The following ATE1 variants were observed in gnomAD, a reference collection of about 807,000 sequenced individuals.
The protein encoded by ATE1 is arginyltransferase 1, also known as arginyl-tRNA--protein transferase 1.
Under a neutral mutation model 70.5 loss-of-function variants are expected in ATE1, and 36 were observed. The ratio of observed to expected loss-of-function variants is 0.51; its 90% CI spans 0.39 to 0.67. The LOEUF (loss-of-function observed/expected upper bound fraction) is 0.67. Ranked by LOEUF, ATE1 falls within the 30% of genes least tolerant of loss-of-function variation. The pLI, the probability that ATE1 is intolerant of heterozygous loss-of-function variation, is 0.00. For missense variants in ATE1, 593 were observed against 629.5 expected (o/e 0.94, Z 0.62); for synonymous variants, 232 against 219.3 (o/e 1.06, Z -0.51).
At position 121,779,048 on chromosome 10, in the gene ATE1, C is replaced by T. The variant is rs118189605; in HGVS notation, c.1378+11121G>A. ...CTCTGAAATAGTAAAATCAGACACT[C>T]GCTCTCAACACCATTTCCTATCCTT... On this transcript the variant is annotated intron_variant, in intron 11 of 11. Coordinates refer to ENST00000224652, the MANE Select transcript of ATE1 (RefSeq NM_001001976.3). 7.4e-4 allele frequency among the ~76,000 whole-genome samples: 112 copies of T among 152,308 alleles called. No individual in the cohort carries two copies. The East Asian group carries it at 8.3e-3, about 11-fold the overall frequency.
chr10:121,779,913 G>A (rs1164498788), intron 11 of ATE1, among the ~76,000 whole-genome samples: 2 of 152,150 alleles, frequency 1.3e-5, no homozygotes, highest in African/African-American at 4.8e-5. Flanking sequence ...TCTGGAAAAT[G>A]CTTCCTGTGG....
chr10:121,831,896 G>A (rs571406122), intron 10 of ATE1, among the ~76,000 whole-genome samples: 4 of 152,282 alleles, frequency 2.6e-5, no homozygotes, highest in African/African-American at 9.6e-5. Context: ...TACAGTCACA[G>A]TAACTTGCTA....
intron 8 of ATE1, among the ~76,000 whole-genome samples, chr10:121,863,963 T>C (rs1949570051): frequency 6.6e-6 from 1 of 152,204 alleles, no homozygotes; most frequent in African/African-American, 2.4e-5. Context: ...TTTTAACCTA[T>C]CCATGTCTCT....
intron 8 of ATE1, among the ~76,000 whole-genome samples, chr10:121,868,319 AGTATAAC>A (rs1949732547): frequency 6.6e-6 from 1 of 152,250 alleles, no homozygotes; most frequent in Non-Finnish European, 1.5e-5. Flanking sequence ...CATTACATTA[AGTATAAC>A]CCTTTCATCA....
At chr10:121,867,545 G>A (rs964592952) in intron 8 of ATE1, among the ~76,000 whole-genome samples, 1 of 151,998 alleles carries the variant, frequency 6.6e-6, no homozygotes, top group Non-Finnish European at 1.5e-5. Context: ...TCAAATCAAA[G>A]AGACTCCCGT....
chr10:121,812,982 A>G (rs551674678), intron 10 of ATE1, among the ~76,000 whole-genome samples: 1 of 152,342 alleles, frequency 6.6e-6, no homozygotes, highest in South Asian at 2.1e-4. Context: ...TACAACTAAC[A>G]TTCTGTTTGT....
chr10:121,926,587 AT>A, intron 1 of ATE1: 1 of 526,648 alleles, frequency 1.9e-6, no homozygotes, highest in Non-Finnish European at 2.4e-6. Context: ...TATCACAATT[AT>A]TGGAAAAAAA....
intron 10 of ATE1, among the ~76,000 whole-genome samples, chr10:121,791,077 TGTGTGTGTGTG>T (rs1946429537): frequency 5.3e-5 from 3 of 56,320 alleles, no homozygotes; most frequent in African/African-American, 1.6e-4. Flanking sequence ...TGTGTGTGTG[TGTGTGTGTGTG>T]TATATATATT....
chr10:121,810,243 C>T lies in ATE1; in HGVS notation c.1258-19954G>A, dbSNP rs116698690. On this transcript the variant is annotated intron_variant, in intron 10 of 11. Transcript: ENST00000224652. ...TCCTATTCAAAGTTCTTCAGCCTTT[C>T]GGGGTAACTGCTAAATATGTTTTTT... 8.6e-3 allele frequency among the ~76,000 whole-genome samples: 1,310 copies of T among 152,230 alleles called. 14 individuals carry two copies. The highest frequency in any genetic ancestry group is 0.025 in the African/African-American group (1,019 of 41,532).
chr10:121,789,296 C>CTTTTTTT lies in ATE1; in HGVS notation c.1378+866_1378+872dup, dbSNP rs3036893. Among the ~76,000 whole-genome samples, 907 of 92,600 alleles carry CTTTTTTT rather than the reference C, an allele frequency of 9.8e-3. 33 individuals are homozygous for CTTTTTTT. Among genetic ancestry groups the CTTTTTTT allele is most frequent in the Middle Eastern group, 0.028 (2 of 72 alleles). 60.7% of individuals were successfully genotyped at this position (92,600 alleles called of 152,430 possible). On this transcript the variant is annotated intron_variant, in intron 11 of 11. Coordinates refer to ENST00000224652, the MANE Select transcript of ATE1 (RefSeq NM_001001976.3). ...CAGGAAGCCTAACTCCAGGGCTATG[C>CTTTTTTT]TTTTTTTTTTTTTTTTTTTTGAGAC...
chr10:121,773,074 C>G (rs1196090379), intron 11 of ATE1, among the ~76,000 whole-genome samples: 2 of 152,222 alleles, frequency 1.3e-5, no homozygotes, highest in Non-Finnish European at 2.9e-5. Flanking sequence ...CCCTCCCACT[C>G]CCTTCTTTGT....
intron 9 of ATE1, among the ~76,000 whole-genome samples, chr10:121,838,771 A>C (rs1564883430): frequency 6.6e-6 from 1 of 152,166 alleles, no homozygotes; most frequent in Non-Finnish European, 1.5e-5. Flanking sequence ...ATATGCAAAC[A>C]AATGCCATGC....
rs1212849369 is a variant in ATE1 at position 121,840,803 on chromosome 10, AATG to A, written c.1157+276_1157+278del. ...ATGTATATTTCCTATAAACTAGTTA[AATG>A]ATGTTTATTTTAAAATTCAATGTGA... On this transcript the variant is annotated intron_variant, in intron 9 of 11. Transcript: ENST00000224652. Among the ~76,000 whole-genome samples the A allele has an allele frequency of 7.1e-4, 107 of 150,438 alleles. 1 individual carries two copies. The highest frequency in any genetic ancestry group is 1.4e-3 in the Non-Finnish European group (96 of 67,652).
intron 7 of ATE1, among the ~76,000 whole-genome samples, chr10:121,880,342 T>C (rs1259332963): frequency 3.9e-5 from 6 of 152,060 alleles, no homozygotes; most frequent in African/African-American, 1.2e-4. Flanking sequence ...TTTTAAATTT[T>C]ATTTGTGGGC....
At chr10:121,908,971 A>G (rs947995551) in intron 5 of ATE1, among the ~76,000 whole-genome samples, 1 of 152,212 alleles carries the variant, frequency 6.6e-6, no homozygotes, top group East Asian at 1.9e-4. Context: ...TGGAAGGGGA[A>G]TATCTAGAAC....
chr10:121,766,886 A>T (rs920259421), intron 11 of ATE1, among the ~76,000 whole-genome samples: 23 of 152,320 alleles, frequency 1.5e-4, no homozygotes, highest in African/African-American at 5.1e-4. Flanking sequence ...AAATTCGAAC[A>T]AACATTTAAA....
chr10:121,881,880 G>A (rs543509997), intron 7 of ATE1, among the ~76,000 whole-genome samples: 10 of 152,120 alleles, frequency 6.6e-5, no homozygotes, highest in Admixed American at 2.6e-4. Context: ...TGCAAACTCC[G>A]CCTCCTGGGT....
chr10:121,855,929 A>C (rs1179332071), intron 8 of ATE1, among the ~76,000 whole-genome samples: 1 of 151,850 alleles, frequency 6.6e-6, no homozygotes, highest in African/African-American at 2.4e-5. Flanking sequence ...TACAAAAATT[A>C]GCCAGGTGTG....
In ATE1 at chr10:121,928,028, C is replaced by G; in HGVS notation, c.-79G>C. 7.8e-7 allele frequency: 1 copy of G among 1,282,304 alleles called. No homozygotes were observed. The highest frequency in any genetic ancestry group is 3.3e-5 in the East Asian group (1 of 30,266). 79.4% of individuals were successfully genotyped at this position (1,282,304 alleles called of 1,614,324 possible). ...GCCGCCGCCACCCCACAATGCAGCG[C>G]GCCGCCCGGGAGCCTCCCGAGGCTC... On this transcript the variant is annotated 5_prime_UTR_variant, in exon 1 of 12. Coordinates refer to ENST00000224652, the MANE Select transcript of ATE1 (RefSeq NM_001001976.3).
Sources: gnomAD v4.1 joint callset for allele counts (sites outside exome capture counted in the v4.1 genomes callset) on GRCh38, gnomAD v4.1.1 for gene constraint, MANE v1.5 for transcripts, NCBI Gene and HGNC (gene_info 2026-07-23, HGNC 2026-07-21) for gene names.